PSD3: variants seen among roughly 807,000 people sequenced by gnomAD.
PSD3 encodes the protein PH and SEC7 domain-containing protein 3.
Under a neutral mutation model 105.5 loss-of-function variants are expected in PSD3, and 49 were observed. The ratio of observed to expected loss-of-function variants is 0.46; its 90% confidence interval spans 0.37 to 0.59. The LOEUF is 0.59. Among genes scored for constraint, PSD3 ranks in the 20% least tolerant of loss-of-function variants. The pLI, the probability that PSD3 is intolerant of heterozygous loss-of-function variation, is 0.00. For missense variants in PSD3, 1,561 were observed against 1,263.8 expected (o/e 1.24, Z -3.57); for synonymous variants, 557 against 457.8 (o/e 1.22, Z -2.77).
intron 1 of PSD3, among the ~76,000 whole-genome samples, chr8:18,963,626 A>G (rs1207032184): frequency 6.6e-6 from 1 of 152,204 alleles, no homozygotes; most frequent in Non-Finnish European, 1.5e-5. Flanking sequence ...GTCTTGCACA[A>G]GAATTTCTGC....
At chr8:18,769,264 T>C (rs2129444105) in intron 8 of PSD3, among the ~76,000 whole-genome samples, 1 of 152,334 alleles carries the variant, frequency 6.6e-6, no homozygotes, top group East Asian at 1.9e-4. Flanking sequence ...AGGTCTAATT[T>C]AGTCATCAGT....
At chr8:19,081,690 A>G (rs1028402316) in intron 1 of PSD3, among the ~76,000 whole-genome samples, 1 of 152,226 alleles carries the variant, frequency 6.6e-6, no homozygotes, top group Non-Finnish European at 1.5e-5. Context: ...TTTGTTCTTC[A>G]TTCCTTATAA....
intron 2 of PSD3, among the ~76,000 whole-genome samples, chr8:18,920,315 A>G (rs1820924409): frequency 6.6e-6 from 1 of 152,220 alleles, no homozygotes; most frequent in Non-Finnish European, 1.5e-5. Flanking sequence ...AATCCATATA[A>G]TGCCCTAAAT....
chr8:18,929,510 G>T (rs1201194440), intron 2 of PSD3, among the ~76,000 whole-genome samples: 1 of 152,150 alleles, frequency 6.6e-6, no homozygotes, highest in Non-Finnish European at 1.5e-5. Flanking sequence ...CTGCAGCAAG[G>T]CAGTTAGCAT....
At chr8:18,792,717 C>A (rs990127146) in intron 8 of PSD3, among the ~76,000 whole-genome samples, 2 of 152,172 alleles carry the variant, frequency 1.3e-5, no homozygotes, top group Non-Finnish European at 2.9e-5. Context: ...ACCACTTTTA[C>A]ACTGTTGGTG....
chr8:18,777,108 T>A (rs1483800423), intron 8 of PSD3, among the ~76,000 whole-genome samples: 1 of 152,162 alleles, frequency 6.6e-6, no homozygotes, highest in African/African-American at 2.4e-5. Context: ...AGTGGAACGA[T>A]CTTGGCTCAC....
intron 8 of PSD3, among the ~76,000 whole-genome samples, chr8:18,789,596 T>C: frequency 6.6e-6 from 1 of 152,194 alleles, no homozygotes; most frequent in South Asian, 2.1e-4. Flanking sequence ...AGTTTTAGAA[T>C]ACTGAAATAT....
At chr8:18,815,845 G>A (rs1812175239) in intron 4 of PSD3, among the ~76,000 whole-genome samples, 1 of 152,100 alleles carries the variant, frequency 6.6e-6, no homozygotes, top group Non-Finnish European at 1.5e-5. Context: ...TCTCTACACT[G>A]AGTTTCCCCT....
At chr8:19,013,996 C>G (rs1040594945), upstream of PSD3, 1 of 152,294 alleles carries the variant, frequency 6.6e-6, no homozygotes, top group African/African-American at 2.4e-5. Context: ...CGGCCCGGAC[C>G]GTCCGCTGCC....
At chr8:18,862,524 T>A (rs1189355658) in intron 4 of PSD3, among the ~76,000 whole-genome samples, 1 of 152,118 alleles carries the variant, frequency 6.6e-6, no homozygotes, top group Non-Finnish European at 1.5e-5. Context: ...AACAGGCTCA[T>A]GAAGCCACAA....
At chr8:19,040,260 C>A (rs971295000) in intron 1 of PSD3, among the ~76,000 whole-genome samples, 1 of 151,994 alleles carries the variant, frequency 6.6e-6, no homozygotes, top group African/African-American at 2.4e-5. Flanking sequence ...TGGAGTGCAG[C>A]GGCATGATCT....
chr8:19,079,349 G>A (rs1829567363), intron 1 of PSD3, among the ~76,000 whole-genome samples: 1 of 152,212 alleles, frequency 6.6e-6, no homozygotes, highest in Non-Finnish European at 1.5e-5. Context: ...CTTTTAAAAT[G>A]GATGTTTCAC....
chr8:18,969,680 A>G (rs1266839761), intron 1 of PSD3, among the ~76,000 whole-genome samples: 1 of 152,230 alleles, frequency 6.6e-6, no homozygotes, highest in Non-Finnish European at 1.5e-5. Flanking sequence ...ATGTTTCATA[A>G]CTATTAGCCT....
chr8:18,739,425 G>T (rs538248766), intron 9 of PSD3, among the ~76,000 whole-genome samples: 1 of 152,148 alleles, frequency 6.6e-6, no homozygotes, highest in African/African-American at 2.4e-5. Context: ...TGTAAATACA[G>T]TGCCTTTGTC....
chr8:19,001,874 TC>T, intron 1 of PSD3: 1 of 178,262 alleles, frequency 5.6e-6, no homozygotes, highest in Non-Finnish European at 1.2e-5. Context: ...GTCCCCAGCA[TC>T]CCCCAGAAAC....
At chr8:18,698,069 G>A (rs1402471788) in intron 9 of PSD3, among the ~76,000 whole-genome samples, 3 of 152,052 alleles carry the variant, frequency 2.0e-5, no homozygotes, top group African/African-American at 4.8e-5. Context: ...AGATTACCCT[G>A]GGTTGTCTCA....
intron 9 of PSD3, among the ~76,000 whole-genome samples, chr8:18,708,934 C>A (rs544494999): frequency 6.6e-6 from 1 of 152,276 alleles, no homozygotes; most frequent in African/African-American, 2.4e-5. Context: ...CATACTACCC[C>A]ACCAGGGAAA....
intron 12 of PSD3, among the ~76,000 whole-genome samples, chr8:18,579,096 C>CCACACACACA (rs3988324): frequency 0.14 from 19,914 of 143,408 alleles, 1,490 homozygotes; most frequent in South Asian, 0.22. Context: ...AGCTCCAAGT[C>CCACACACACA]CACACACACA....
chr8:18,901,450 C>T (rs7840919), intron 2 of PSD3, among the ~76,000 whole-genome samples: 7,137 of 152,246 alleles, frequency 0.047, 204 homozygotes, highest in South Asian at 0.081. Flanking sequence ...GGCGAGAACA[C>T]ACTCTTGTTA....
Sources: gnomAD v4.1 joint callset for allele counts (sites outside exome capture counted in the v4.1 genomes callset) on GRCh38, gnomAD v4.1.1 for gene constraint, MANE v1.5 for transcripts, NCBI Gene and HGNC (gene_info 2026-07-23, HGNC 2026-07-21) for gene names.